The following WWP2 variants were observed in gnomAD, a reference collection of about 807,000 sequenced individuals.
WWP2 encodes the protein WW domain containing E3 ubiquitin protein ligase 2.
WWP2 carries 57 observed loss-of-function variants against 121.0 expected under a neutral mutation model. That is an observed-to-expected ratio of 0.47 (90% CI 0.38 to 0.59). The LOEUF is 0.59. Among genes scored for constraint, WWP2 ranks in the 20% least tolerant of loss-of-function variants. The probability of loss-of-function intolerance (pLI) is 0.00; values close to 1 mark genes in which losing one functional copy is unlikely to be tolerated. For missense variants in WWP2, 962 were observed against 1,158.9 expected, an observed-to-expected ratio of 0.83 and a Z score of 2.47; for synonymous variants, 449 against 441.3, an observed-to-expected ratio of 1.02 and a Z score of -0.22.
chr16:69,927,925 G>T (rs2058663004), intron 11 of WWP2, among the ~76,000 whole-genome samples: 1 of 152,190 alleles, frequency 6.6e-6, no homozygotes, highest in African/African-American at 2.4e-5. Flanking sequence ...GCCTCCCAAA[G>T]TGCTGGGATT....
intron 9 of WWP2, among the ~76,000 whole-genome samples, chr16:69,913,086 G>A (rs1441793707): frequency 3.0e-5 from 4 of 134,240 alleles, no homozygotes; most frequent in East Asian, 2.1e-4. Context: ...GTGCAGTGGC[G>A]CAATCTCGGC....
chr16:69,827,776 C>A, intron 4 of WWP2: 1 of 419,506 alleles, frequency 2.4e-6, no homozygotes, highest in Non-Finnish European at 4.8e-6. Flanking sequence ...AATGGTGTGG[C>A]AGGGACTCTC....
chr16:69,868,067 C>G (rs967840759), intron 6 of WWP2, among the ~76,000 whole-genome samples: 1 of 152,194 alleles, frequency 6.6e-6, no homozygotes, highest in Non-Finnish European at 1.5e-5. Context: ...GATGTTGAGG[C>G]CTTTTCTTCC....
At chr16:69,782,589 G>C (rs2055687189) in intron 1 of WWP2, among the ~76,000 whole-genome samples, 2 of 152,206 alleles carry the variant, frequency 1.3e-5, no homozygotes, top group African/African-American at 2.4e-5. Context: ...CTCTTGATAA[G>C]AAGAGTTTGG....
intron 7 of WWP2, among the ~76,000 whole-genome samples, chr16:69,883,994 A>T (rs1294280888): frequency 6.6e-6 from 1 of 152,220 alleles, no homozygotes; most frequent in Non-Finnish European, 1.5e-5. Context: ...CTAAAACTTT[A>T]AAAAAATAAA....
At chr16:69,936,885 G>C (rs1028298281) in intron 19 of WWP2, 2 of 548,078 alleles carry the variant, frequency 3.6e-6, no homozygotes, top group Non-Finnish European at 6.4e-6. Flanking sequence ...CGGCGCTGGG[G>C]GCAGGAGCAG....
intron 1 of WWP2, among the ~76,000 whole-genome samples, chr16:69,775,416 A>G (rs1228723600): frequency 1.3e-5 from 2 of 151,278 alleles, no homozygotes; most frequent in African/African-American, 2.4e-5. Context: ...GGTATCTTAA[A>G]CCCCATCAGC....
chr16:69,932,560 A>G (rs1014135328), intron 16 of WWP2, among the ~76,000 whole-genome samples: 2 of 152,234 alleles, frequency 1.3e-5, no homozygotes, highest in Non-Finnish European at 2.9e-5. Flanking sequence ...GCATCTGGGC[A>G]GTTGAATATA....
intron 2 of WWP2, chr16:69,788,137 A>T (rs1167007674): frequency 3.3e-5 from 5 of 152,102 alleles, no homozygotes; most frequent in African/African-American, 1.2e-4. Context: ...CCAAGGCAGG[A>T]GGATCACCTG....
chr16:69,764,926 A>C (rs986757219), intron 1 of WWP2, among the ~76,000 whole-genome samples: 1 of 152,252 alleles, frequency 6.6e-6, no homozygotes, highest in Non-Finnish European at 1.5e-5. Context: ...ATAGTTGGTC[A>C]GACATGGTGG....
chr16:69,859,402 G>A (rs1010283660), intron 6 of WWP2, among the ~76,000 whole-genome samples: 1 of 152,074 alleles, frequency 6.6e-6, no homozygotes. Context: ...AAAAAATACA[G>A]AAATTAGCTA....
intron 6 of WWP2, among the ~76,000 whole-genome samples, chr16:69,850,245 G>T (rs983419636): frequency 6.6e-6 from 1 of 152,002 alleles, no homozygotes; most frequent in African/African-American, 2.4e-5. Context: ...AAATTAGCCG[G>T]GCGTGGTGGT....
intron 8 of WWP2, among the ~76,000 whole-genome samples, chr16:69,908,035 G>C (rs1313160735): frequency 6.6e-6 from 1 of 152,122 alleles, no homozygotes; most frequent in Admixed American, 6.5e-5. Flanking sequence ...GAGCTCAGGG[G>C]TTCCAGACCA....
intron 4 of WWP2, among the ~76,000 whole-genome samples, chr16:69,805,016 G>T (rs1382784523): frequency 5.9e-5 from 9 of 151,342 alleles, no homozygotes; most frequent in Non-Finnish European, 1.3e-4. Flanking sequence ...TAGGTTTGCA[G>T]TAGTTTCTTT....
chr16:69,840,120 C>G lies in WWP2; in HGVS notation c.341-6C>G. ...GCCCATCCATGTTGCCTTTTGTACC[C>G]CACAGTGGAGAACATGCAGCTGACC... On this transcript the variant is annotated splice_region_variant and splice_polypyrimidine_tract_variant and intron_variant, in intron 4 of 23. Coordinates refer to ENST00000359154, the MANE Select transcript of WWP2 (RefSeq NM_001270454.2). The G allele has an allele frequency of 6.2e-7, 1 of 1,614,210 alleles. No individual in the cohort carries two copies. Among genetic ancestry groups the G allele is most frequent in the African/African-American group, 1.3e-5 (1 of 75,058 alleles).
chr16:69,801,424 G>A (rs2056164138), intron 4 of WWP2, among the ~76,000 whole-genome samples: 1 of 151,864 alleles, frequency 6.6e-6, no homozygotes, highest in Non-Finnish European at 1.5e-5. Context: ...TTAGTAGAGA[G>A]TAGGTCTCAC....
intron 8 of WWP2, among the ~76,000 whole-genome samples, chr16:69,906,590 T>C (rs149839001): frequency 8.5e-5 from 13 of 152,354 alleles, no homozygotes; most frequent in African/African-American, 2.6e-4. Flanking sequence ...TGCAAAATTA[T>C]GCAGTTAAAA....
chr16:69,853,417 C>T (rs1481582603), intron 6 of WWP2, among the ~76,000 whole-genome samples: 6 of 152,174 alleles, frequency 3.9e-5, no homozygotes, highest in Admixed American at 2.6e-4. Context: ...GCTGGAGCCC[C>T]TGCCAGTCAC....
In WWP2 at chr16:69,792,817, G is replaced by C. The variant is rs539043922; in HGVS notation, c.70+5737G>C. 9.3e-4 allele frequency among the ~76,000 whole-genome samples: 142 copies of C among 152,032 alleles called. 1 individual carries two copies. Among genetic ancestry groups the C allele is most frequent in the African/African-American group, 3.1e-3 (128 of 41,482 alleles). ...AGGGATCCTCCTATCTCAGCCTCTCGAGTAACTGGAACTACAGGTGTGAGC... is the reference window on the plus strand; with the variant it reads ...AGGGATCCTCCTATCTCAGCCTCTCCAGTAACTGGAACTACAGGTGTGAGC... On this transcript the variant is annotated intron_variant, in intron 2 of 23. Coordinates refer to ENST00000359154, the MANE Select transcript of WWP2 (RefSeq NM_001270454.2).
Sources: allele counts gnomAD v4.1 joint callset (sites outside exome capture counted in the v4.1 genomes callset), GRCh38; gene constraint gnomAD v4.1.1; transcripts MANE v1.5; gene names NCBI Gene and HGNC (gene_info 2026-07-23, HGNC 2026-07-21).